Variants in RGS7 observed in about 807,000 individuals in gnomAD.
RGS7 encodes regulator of G-protein signaling 7.
Under a neutral mutation model 81.1 loss-of-function variants are expected in RGS7, and 27 were observed. That is an observed-to-expected ratio of 0.33 (90% CI 0.25 to 0.46). RGS7 has a LOEUF of 0.46. Among genes scored for constraint, RGS7 ranks in the 20% least tolerant of loss-of-function variants. The probability of loss-of-function intolerance (pLI) is 1.00; values close to 1 mark genes in which losing one functional copy is unlikely to be tolerated. For missense variants in RGS7, 396 were observed against 607.4 expected (o/e 0.65, Z 3.66); for synonymous variants, 208 against 207.7 (o/e 1.00, Z -0.01).
At chr1:241,255,005 G>A (rs1384481972) in intron 2 of RGS7, among the ~76,000 whole-genome samples, 1 of 152,168 alleles carries the variant, frequency 6.6e-6, no homozygotes, top group Non-Finnish European at 1.5e-5. Flanking sequence ...TAGGCCTCAT[G>A]GAGAATAGAA....
intron 3 of RGS7, among the ~76,000 whole-genome samples, chr1:241,024,230 C>A (rs1012866342): frequency 1.3e-5 from 2 of 152,172 alleles, no homozygotes; most frequent in African/African-American, 4.8e-5. Flanking sequence ...AAGCCTAGCA[C>A]CTTCACTTAA....
At chr1:241,208,367 C>A (rs1204952393) in intron 2 of RGS7, among the ~76,000 whole-genome samples, 1 of 152,048 alleles carries the variant, frequency 6.6e-6, no homozygotes, top group Non-Finnish European at 1.5e-5. Flanking sequence ...GGACAGGAGG[C>A]ATTTCGGAAC....
At chr1:240,917,541 C>T (rs1672803274) in intron 6 of RGS7, among the ~76,000 whole-genome samples, 1 of 152,038 alleles carries the variant, frequency 6.6e-6, no homozygotes, top group East Asian at 1.9e-4. Context: ...ACAGTGTTAC[C>T]TAAAAATGGA....
intron 4 of RGS7, among the ~76,000 whole-genome samples, chr1:240,975,736 T>C (rs886783447): frequency 6.6e-6 from 1 of 152,250 alleles, no homozygotes; most frequent in African/African-American, 2.4e-5. Flanking sequence ...ATATTAGTCA[T>C]AAAGCATGTT....
chr1:241,351,749 G>A (rs1466782025), intron 2 of RGS7, among the ~76,000 whole-genome samples: 1 of 152,092 alleles, frequency 6.6e-6, no homozygotes, highest in Admixed American at 6.6e-5. Flanking sequence ...TGAGGGGAAG[G>A]GGGAGAGGGG....
Position 240,779,201 on chromosome 1 carries a change from G to A in RGS7, c.*7-2988C>T, listed in dbSNP as rs573965096. 6.9e-4 allele frequency among the ~76,000 whole-genome samples: 104 copies of A among 151,184 alleles called. 1 individual carries two copies. Among genetic ancestry groups the A allele is most frequent in the Admixed American group, 2.0e-3 (31 of 15,160 alleles). On this transcript the variant is annotated intron_variant, in intron 18 of 18. Coordinates refer to ENST00000440928, the MANE Select transcript of RGS7 (RefSeq NM_001364886.1). ...GCAATCTCGGGTCACTGCAACCTCC[G>A]CCTCCAAAGGCCCCTACCTTTGGAG...
rs370213104 is a variant in RGS7 at position 240,965,612 on chromosome 1, C to T, written c.226+17467G>A. 3.0e-4 allele frequency among the ~76,000 whole-genome samples: 45 copies of T among 152,226 alleles called. 1 individual carries two copies. The East Asian group carries it at 6.8e-3, about 23-fold the overall frequency. ...GTGGCTGCCATCAGCCCTTCCTTCC[C>T]GGCAGCAGTGTGGAGGGGCCGTCAG... On this transcript the variant is annotated intron_variant, in intron 4 of 18. Coordinates refer to ENST00000440928, the MANE Select transcript of RGS7 (RefSeq NM_001364886.1).
intron 4 of RGS7, among the ~76,000 whole-genome samples, chr1:240,944,152 G>T (rs1678079018): frequency 6.6e-6 from 1 of 150,442 alleles, no homozygotes; most frequent in South Asian, 2.1e-4. Flanking sequence ...GTGAATAACT[G>T]GTTTCAGATC....
chr1:241,035,378 C>A (rs2060273549), intron 3 of RGS7, among the ~76,000 whole-genome samples: 1 of 151,744 alleles, frequency 6.6e-6, no homozygotes, highest in Non-Finnish European at 1.5e-5. Flanking sequence ...AAATATAGTA[C>A]TCTGAGATAA....
Position 241,172,341 on chromosome 1 carries a change from AAAAATAGT to A in RGS7, c.79-73587_79-73580del, listed in dbSNP as rs778616000. On this transcript the variant is annotated intron_variant, in intron 2 of 18. Transcript: ENST00000440928. Reference sequence around the variant, plus strand: ...GACTTGGATGAGGAAAATGCAAAAGAAAAATAGTAAAATAGTAAAATAAGAGAAGTATT... The same window carrying A: ...GACTTGGATGAGGAAAATGCAAAAGAAAAATAGTAAAATAAGAGAAGTATT... Among the ~76,000 whole-genome samples, 51 of 152,350 alleles carry A rather than the reference AAAAATAGT, an allele frequency of 3.3e-4. No homozygotes were observed. The East Asian group carries it at 5.4e-3, about 16-fold the overall frequency.
intron 6 of RGS7, among the ~76,000 whole-genome samples, chr1:240,893,258 C>T (rs887639369): frequency 1.3e-5 from 2 of 152,120 alleles, no homozygotes; most frequent in Non-Finnish European, 2.9e-5. Context: ...AAACTTTCTA[C>T]GTGACTCAGT....
chr1:241,194,926 A>C (rs1185499429), intron 2 of RGS7, among the ~76,000 whole-genome samples: 1 of 152,220 alleles, frequency 6.6e-6, no homozygotes, highest in Non-Finnish European at 1.5e-5. Flanking sequence ...GACTTAGGAT[A>C]TCACTCTGCA....
At chr1:240,995,011 A>G (rs1312109327) in intron 3 of RGS7, among the ~76,000 whole-genome samples, 1 of 152,062 alleles carries the variant, frequency 6.6e-6, no homozygotes, top group Non-Finnish European at 1.5e-5. Context: ...CAAGTTGAGG[A>G]ATTTCTCTTC....
At chr1:241,148,523 A>G (rs1278231604) in intron 2 of RGS7, among the ~76,000 whole-genome samples, 1 of 152,240 alleles carries the variant, frequency 6.6e-6, no homozygotes, top group Non-Finnish European at 1.5e-5. Context: ...TCAGTGCCCC[A>G]GTGCCTGACA....
intron 10 of RGS7, among the ~76,000 whole-genome samples, chr1:240,819,815 A>G (rs1041955488): frequency 2.0e-5 from 3 of 152,204 alleles, no homozygotes; most frequent in Non-Finnish European, 4.4e-5. Context: ...TGCTTAAAAC[A>G]TCTTCCAGGA....
chr1:240,864,615 T>C (rs1662885522), intron 9 of RGS7, among the ~76,000 whole-genome samples: 1 of 152,078 alleles, frequency 6.6e-6, no homozygotes, highest in Admixed American at 6.5e-5. Context: ...AATAAAGGCT[T>C]AAATAAAAAT....
At chr1:240,820,918 G>A (rs997459631) in intron 10 of RGS7, among the ~76,000 whole-genome samples, 2 of 152,182 alleles carry the variant, frequency 1.3e-5, no homozygotes, top group African/African-American at 4.8e-5. Context: ...TATGTGAAAT[G>A]TAATCTCTGG....
intron 2 of RGS7, among the ~76,000 whole-genome samples, chr1:241,321,071 T>C (rs922640239): frequency 2.0e-5 from 3 of 152,184 alleles, no homozygotes; most frequent in African/African-American, 7.2e-5. Context: ...AGTATAGAAT[T>C]GGAAAAGATA....
intron 3 of RGS7, among the ~76,000 whole-genome samples, chr1:241,009,257 C>G (rs1010931912): frequency 6.6e-6 from 1 of 152,132 alleles, no homozygotes; most frequent in African/African-American, 2.4e-5. Flanking sequence ...CATAAACCAG[C>G]CTTGTATGGA....
Sources: allele counts gnomAD v4.1 joint callset (sites outside exome capture counted in the v4.1 genomes callset), GRCh38; gene constraint gnomAD v4.1.1; transcripts MANE v1.5; gene names NCBI Gene and HGNC (gene_info 2026-07-23, HGNC 2026-07-21).